The following PLIN5 variants were observed in gnomAD, a reference collection of about 807,000 sequenced individuals.
The protein encoded by PLIN5 is perilipin 5.
In PLIN5, 34 loss-of-function variants were observed where a neutral mutation model predicts 32.8. The observed-to-expected ratio is 1.04, with a 90% CI of 0.79 to 1.38. The LOEUF (loss-of-function observed/expected upper bound fraction) is 1.38. Ranked by LOEUF, PLIN5 falls within the 40% of genes most tolerant of loss-of-function variation. The pLI, the probability that PLIN5 is intolerant of heterozygous loss-of-function variation, is 0.00. For missense variants in PLIN5, 712 were observed against 660.5 expected (o/e 1.08, Z -0.85); for synonymous variants, 309 against 292.9 (o/e 1.05, Z -0.56).
Position 4,529,130 on chromosome 19 carries a change from G to A in PLIN5, c.463C>T (p.Leu155=), listed in dbSNP as rs769271512. Residue 155 remains leucine, a synonymous_variant, in exon 5 of 8, where the codon CTG becomes TTG. Coordinates refer to ENST00000381848, the MANE Select transcript of PLIN5 (RefSeq NM_001013706.3). ...RSVSHAVDVV[L]EKSEELVDHF... is the part of the protein sequence containing the mutation. ...TCCACCAGCTCCTCTGATTTTTCCAGTACAACATCCACAGCATGGCTCACG... is the reference window on the plus strand; with the variant it reads ...TCCACCAGCTCCTCTGATTTTTCCAATACAACATCCACAGCATGGCTCACG... The A allele has an allele frequency of 1.9e-6, 3 of 1,613,340 alleles. No individual in the cohort carries two copies. The African/African-American group carries it at 4.0e-5, about 22-fold the overall frequency.
chr19:4,532,976 T>A (rs796497661), intron 2 of PLIN5: 1 of 152,096 alleles, frequency 6.6e-6, no homozygotes, highest in Non-Finnish European at 1.5e-5. Context: ...CCAAATACTA[T>A]ATTTTTTTTA....
chr19:4,527,880 G>A (rs1239432684), intron 5 of PLIN5, among the ~76,000 whole-genome samples: 2 of 150,468 alleles, frequency 1.3e-5, no homozygotes, highest in Admixed American at 6.6e-5. Context: ...GGAGTGCCTG[G>A]CACACAAGAA....
rs1976795841 is a variant in PLIN5 at position 4,525,886 on chromosome 19, G to A, written c.521-54C>T. Reference sequence around the variant, plus strand: ...GGGACAGGATACGGGGACAGCACGGGGACAGGATACGGGGACAGCACGGGG... The same window carrying A: ...GGGACAGGATACGGGGACAGCACGGAGACAGGATACGGGGACAGCACGGGG... On this transcript the variant is annotated intron_variant, in intron 5 of 7. Coordinates refer to ENST00000381848, the MANE Select transcript of PLIN5 (RefSeq NM_001013706.3). The surrounding 1 kb of genome is among the most constrained non-coding windows in gnomAD (Gnocchi z 5.6). The A allele has an allele frequency of 6.9e-6, 5 of 724,192 alleles. No individual in the cohort carries two copies. In the Admixed American group the frequency reaches 7.5e-5, roughly 11 times the overall value. The allele number at this position is 724,192 out of a possible 1,614,324, so 44.9% of individuals were successfully genotyped here.
At position 4,525,062 on chromosome 19, in the gene PLIN5, C is replaced by T; in HGVS notation, c.735G>A (p.Gln245=). Residue 245 remains glutamine, a synonymous_variant, in exon 7 of 8, where the codon CAG becomes CAA. Coordinates refer to ENST00000381848, the MANE Select transcript of PLIN5 (RefSeq NM_001013706.3). This position sits in a 1 kb window ranked among gnomAD's most constrained non-coding sequence, Gnocchi z 5.6. The stretch of plus-strand genomic sequence containing the variant: ...CCGGGGCGGTGGGGGTCACCCCACA[C>T]TGCATGTGGTCTATCTGCAAGGACA... ...QETLELIDHM[Q]CGVTPTAPAC... 1 of 1,421,724 alleles carries T rather than the reference C, an allele frequency of 7.0e-7. No individual in the cohort carries two copies. Among genetic ancestry groups the T allele is most frequent in the South Asian group, 1.5e-5 (1 of 68,078 alleles). 88.1% of individuals were successfully genotyped at this position (1,421,724 alleles called of 1,614,324 possible). A position where few individuals can be genotyped will look rare whatever the true frequency, so the allele number is the denominator to read the frequency against.
At chr19:4,531,989 T>C (rs1976892370) in intron 2 of PLIN5, among the ~76,000 whole-genome samples, 167 bp from the exon 3 acceptor site, 1 of 152,246 alleles carries the variant, frequency 6.6e-6, no homozygotes, top group African/African-American at 2.4e-5. Context: ...GATGTGAGAA[T>C]GTCATGGTTC....
intron 1 of PLIN5, chr19:4,534,345 T>C (rs936602556): frequency 6.2e-6 from 3 of 486,912 alleles, no homozygotes; most frequent in Non-Finnish European, 1.1e-5. Context: ...GAGAAAGACC[T>C]GGGTTCAAAT....
In PLIN5 at chr19:4,534,035, C is replaced by A. The variant is rs761797130; in HGVS notation, c.40G>T (p.Val14Leu). ...CTCACCTGCTGGTCCTGCTCCCACA[C>A]ACTGGATCTGGGGATCTGAGCCGCC... ...EEAAQIPRSS[V>L]WEQDQQNVVQ... The change falls in exon 2 of 8, where the codon GTG becomes TTG. Residue 14 changes from valine (V) to leucine (L), a missense_variant. Physicochemically the swap from Val to Leu is conservative, Grantham distance 32. Transcript: ENST00000381848. 3.1e-6 allele frequency: 5 copies of A among 1,613,314 alleles called. No individual in the cohort carries two copies. The highest frequency in any genetic ancestry group is 1.3e-5 in the African/African-American group (1 of 75,044).
chr19:4,531,065 G>A (rs115377141), intron 3 of PLIN5, among the ~76,000 whole-genome samples: 5,134 of 151,340 alleles, frequency 0.034, 286 homozygotes, highest in African/African-American at 0.12. Context: ...CAATGGTGCG[G>A]TCTTGGCTGA....
chr19:4,529,462 A>C, intron 4 of PLIN5: 1 of 583,170 alleles, frequency 1.7e-6, no homozygotes, highest in East Asian at 2.9e-5. Flanking sequence ...ATATGTATAC[A>C]CACATACATA....
At chr19:4,528,407 GTTTTTCTT>G (rs1402232878) in intron 5 of PLIN5, 2 of 150,986 alleles carry the variant, frequency 1.3e-5, no homozygotes, top group African/African-American at 4.9e-5. Context: ...GCTGTGTCTA[GTTTTTCTT>G]TTTTTTTTTT....
chr19:4,525,948 G>A lies in PLIN5; in HGVS notation c.521-116C>T. 2 of 633,276 alleles carry A rather than the reference G, an allele frequency of 3.2e-6. No homozygotes were observed. The highest frequency in any genetic ancestry group is 4.0e-5 in the South Asian group (2 of 50,070). The allele number at this position is 633,276 out of a possible 1,614,324, so 39.2% of individuals were successfully genotyped here. Reference sequence around the variant, plus strand: ...GGACAGCACGGGGACAGGATACGGGGACAGCACGGGGACAGCATGGGGTCA... The same window carrying A: ...GGACAGCACGGGGACAGGATACGGGAACAGCACGGGGACAGCATGGGGTCA... On this transcript the variant is annotated intron_variant, in intron 5 of 7. Coordinates refer to ENST00000381848, the MANE Select transcript of PLIN5 (RefSeq NM_001013706.3). This position sits in a 1 kb window ranked among gnomAD's most constrained non-coding sequence, Gnocchi z 5.6.
At chr19:4,529,712 T>C in intron 4 of PLIN5, 72 bp downstream of exon 4, 1 of 1,118,818 alleles carries the variant, frequency 8.9e-7, no homozygotes, top group South Asian at 1.3e-5. Flanking sequence ...GTTGTCACCA[T>C]CCCTCCCTCC....
Position 4,531,660 on chromosome 19 carries a change from C to G in PLIN5, c.223G>C (p.Ala75Pro). 1 of 1,536,828 alleles carries G rather than the reference C, an allele frequency of 6.5e-7. No individual in the cohort carries two copies. Among genetic ancestry groups the G allele is most frequent in the Non-Finnish European group, 8.7e-7 (1 of 1,144,764 alleles). The part of the protein sequence containing the change: ...CGLTTRALDH[A>P]QPLLEHLQPQ... ...TGCAGGTGCTCGAGCAGCGGCTGGG[C>G]GTGGTCCAGGGCACGGGTGGTCAGG... is the stretch of plus-strand genomic sequence containing the variant. Residue 75 changes from alanine (A) to proline (P), a missense_variant, in exon 3 of 8, where the codon GCC becomes CCC. By Grantham distance (27) the Ala-to-Pro change is conservative. Transcript: ENST00000381848.
intron 3 of PLIN5, 29 bp downstream of exon 3, chr19:4,531,598 C>T (rs1291702571): frequency 1.4e-5 from 21 of 1,476,722 alleles, no homozygotes; most frequent in Non-Finnish European, 1.7e-5. Context: ...CAAGCCACAG[C>T]TCCCAGGGAC....
In PLIN5 at chr19:4,523,561, G is replaced by A; in HGVS notation, c.1359C>T (p.Val453=). 1.9e-6 allele frequency: 3 copies of A among 1,591,656 alleles called. No individual in the cohort carries two copies. The highest frequency in any genetic ancestry group is 2.6e-6 in the Non-Finnish European group (3 of 1,167,840). The change falls in exon 8 of 8, where the codon GTC becomes GTT. Residue 453 remains valine, a synonymous_variant. Transcript: ENST00000381848. The surrounding 1 kb of genome is among the most constrained non-coding windows in gnomAD (Gnocchi z 5.0). ...CCAGCTCGGGCATCAGGGTGTGCTTGACCGGGCAGCTGGGGGTCTCGGGTT... is the reference window on the plus strand; with the variant it reads ...CCAGCTCGGGCATCAGGGTGTGCTTAACCGGGCAGCTGGGGGTCTCGGGTT... ...EQEPETPSCP[V]KHTLMPELDF
At chr19:4,529,656 A>G in intron 4 of PLIN5, 128 bp downstream of exon 4, 1 of 533,206 alleles carries the variant, frequency 1.9e-6, no homozygotes, top group Non-Finnish European at 3.5e-6. Context: ...CACACGTTGC[A>G]GTTATTTTAA....
In PLIN5 at chr19:4,531,667, C is replaced by G; in HGVS notation, c.216G>C (p.Leu72=). 2 of 1,541,710 alleles carry G rather than the reference C, an allele frequency of 1.3e-6. No individual in the cohort carries two copies. The highest frequency in any genetic ancestry group is 1.7e-6 in the Non-Finnish European group (2 of 1,147,288). Residue 72 remains leucine (L), a synonymous_variant, in exon 3 of 8, where the codon CTG becomes CTC. Coordinates refer to ENST00000381848, the MANE Select transcript of PLIN5 (RefSeq NM_001013706.3). ...NCVCGLTTRA[L]DHAQPLLEHL... ...GCTCGAGCAGCGGCTGGGCGTGGTC[C>G]AGGGCACGGGTGGTCAGGCCGCACA... is the stretch of plus-strand genomic sequence containing the variant.
intron 5 of PLIN5, among the ~76,000 whole-genome samples, chr19:4,526,857 C>CAAAAAAAAAAAAAAAAAAAAAAAAA (rs141886356): frequency 1.1e-4 from 15 of 138,736 alleles, no homozygotes; most frequent in African/African-American, 4.0e-4. Flanking sequence ...GACTCCATCT[C>CAAAAAAAAAAAAAAAAAAAAAAAAA]AAAAAAAAAT....
Position 4,533,921 on chromosome 19 carries a change from G to C in PLIN5, c.60+94C>G, listed in dbSNP as rs771212361. On this transcript the variant is annotated intron_variant, in intron 2 of 7. Coordinates refer to ENST00000381848, the MANE Select transcript of PLIN5 (RefSeq NM_001013706.3). ...ACTCAGGTTTTCCCAGCAAGGAGAG[G>C]AGTGGGGCGGGATACCTGGCCTGAA... 2.9e-6 allele frequency: 4 copies of C among 1,372,824 alleles called. 1 individual carries two copies. The South Asian group carries it at 3.8e-5, about 13-fold the overall frequency. The allele number at this position is 1,372,824 out of a possible 1,614,324, so 85.0% of individuals were successfully genotyped here. A position where few individuals can be genotyped will look rare whatever the true frequency, so the allele number is the denominator to read the frequency against.
Sources: allele counts gnomAD v4.1 joint callset (sites outside exome capture counted in the v4.1 genomes callset), GRCh38; gene constraint gnomAD v4.1.1; non-coding constraint Gnocchi (gnomAD v3.1); transcripts MANE v1.5; gene names NCBI Gene and HGNC (gene_info 2026-07-23, HGNC 2026-07-21).